Variants in LCNL1 observed in about 807,000 individuals in gnomAD.
The protein encoded by LCNL1 is lipocalin like 1, also known as lipocalin-like 1 protein.
Under a neutral mutation model 7.9 loss-of-function variants are expected in LCNL1, and 11 were observed. That is an observed-to-expected ratio of 1.40 (90% confidence interval 0.88 to 2.32). The LOEUF is 2.32. Ranked by LOEUF, LCNL1 falls within the 30% of genes most tolerant of loss-of-function variation. LCNL1 has a pLI of 0.00. For missense variants in LCNL1, 218 were observed against 217.0 expected, an observed-to-expected ratio of 1.00 and a Z score of -0.03; for synonymous variants, 90 against 92.5, an observed-to-expected ratio of 0.97 and a Z score of 0.15.
intron 1 of LCNL1, 82 bp downstream of exon 1, chr9:136,983,790 G>A (rs767265340): frequency 6.3e-6 from 10 of 1,578,048 alleles, no homozygotes; most frequent in Non-Finnish European, 8.7e-6. Context: ...AGGGACCATG[G>A]TGTCCCCAGC....
chr9:136,984,635 TG>T (rs1830478070), intron 2 of LCNL1, 72 bp downstream of exon 2: 2 of 1,504,306 alleles, frequency 1.3e-6, no homozygotes, highest in South Asian at 1.3e-5. Flanking sequence ...GATTGGCACC[TG>T]GGGCCGGGGC....
At position 136,984,786 on chromosome 9, in the gene LCNL1, GA is replaced by G; in HGVS notation, c.273del (p.Gly93AlafsTer116). Reference sequence around the variant, plus strand: ...TTGCCTTGCTGTACTTGGAGATGCGGAAAGGGGGCCTGCGGAACCAGTGGCT... The same window carrying G: ...TTGCCTTGCTGTACTTGGAGATGCGGAAGGGGGCCTGCGGAACCAGTGGCT... ...HFALLYLEMR[K>X]GGLRNQWLQL... is the part of the protein sequence containing the mutation. On this transcript the variant is annotated frameshift_variant, in exon 3 of 3. Coordinates refer to ENST00000408973, the MANE Select transcript of LCNL1 (RefSeq NM_207510.4). LOFTEE classifies it low-confidence loss of function (END_TRUNC). 1.3e-6 allele frequency: 2 copies of G among 1,576,196 alleles called. No individual in the cohort carries two copies. Among genetic ancestry groups the G allele is most frequent in the Non-Finnish European group, 1.7e-6 (2 of 1,158,092 alleles).
intron 2 of LCNL1, 66 bp from the exon 3 acceptor site, chr9:136,984,647 G>A (rs1032245727): frequency 1.5e-5 from 22 of 1,510,260 alleles, no homozygotes; most frequent in East Asian, 1.4e-4. Context: ...GGGCCGGGGC[G>A]TGAGGGGTGC....
Position 136,983,294 on chromosome 9 carries a change from TC to T in LCNL1, c.-288del. 5.4e-6 allele frequency: 2 copies of T among 372,774 alleles called. No individual in the cohort carries two copies. The highest frequency in any genetic ancestry group is 1.0e-5 in the Non-Finnish European group (2 of 194,364). 23.1% of individuals were successfully genotyped at this position (372,774 alleles called of 1,614,324 possible). On this transcript the variant is annotated 5_prime_UTR_variant, in exon 1 of 3. Coordinates refer to ENST00000408973, the MANE Select transcript of LCNL1 (RefSeq NM_207510.4). ...CAAGTTGGTTGCCTGTGCCTCACTG[TC>T]CCCCACCCACCCCACAAAGACCTGT...
rs2131400158 is a variant in LCNL1, at chr9:136,983,678, G to A, written c.92G>A (p.Gly31Asp). Residue 31 changes from glycine to aspartate, a missense_variant, in exon 1 of 3, where the codon GGT becomes GAT. Transcript: ENST00000408973. ...AVVLVTPLGN[G>D]DLALKFGYPT... ...GTCTTAGTGACCCCCTTGGGGAATGGTGACCTGGCCCTCAAGTTTGGATAC... is the reference window on the plus strand; with the variant it reads ...GTCTTAGTGACCCCCTTGGGGAATGATGACCTGGCCCTCAAGTTTGGATAC... 1.2e-6 allele frequency: 2 copies of A among 1,613,990 alleles called. No individual in the cohort carries two copies. The highest frequency in any genetic ancestry group is 2.2e-5 in the East Asian group (1 of 44,892).
intron 2 of LCNL1, 63 bp from the exon 3 acceptor site, chr9:136,984,650 A>G: frequency 6.6e-7 from 1 of 1,511,032 alleles, no homozygotes; most frequent in Non-Finnish European, 8.9e-7. Context: ...CCGGGGCGTG[A>G]GGGGTGCCAC....
At chr9:136,984,326 C>T (rs575329768) in intron 1 of LCNL1, 164 bp from the exon 2 acceptor site, 4 of 609,264 alleles carry the variant, frequency 6.6e-6, no homozygotes, top group Admixed American at 3.7e-5. Context: ...CACCCCACCC[C>T]CAGCAGGAGT....
chr9:136,984,055 CCT>C (rs1212002512), intron 1 of LCNL1: 1 of 407,546 alleles, frequency 2.5e-6, no homozygotes, highest in Non-Finnish European at 4.5e-6. Context: ...TAGATGTGTA[CCT>C]CTGAGTGTGT....
At chr9:136,983,869 G>A in intron 1 of LCNL1, 161 bp downstream of exon 1, 2 of 904,402 alleles carry the variant, frequency 2.2e-6, no homozygotes, top group Admixed American at 2.4e-5. Flanking sequence ...GCCACACGGA[G>A]TCCAGAGGGA....
Position 136,985,037 on chromosome 9 carries a change from T to C in LCNL1, c.*26T>C. 7.0e-7 allele frequency: 1 copy of C among 1,437,778 alleles called. No individual in the cohort carries two copies. The allele number at this position is 1,437,778 out of a possible 1,614,324, so 89.1% of individuals were successfully genotyped here. On this transcript the variant is annotated 3_prime_UTR_variant, in exon 3 of 3. Transcript: ENST00000408973. ...CTTACCCGCCCTCCCCACCTTCAGC[T>C]CGAGCGCCCGAGCTGTTTCCCGAAG...
Position 136,983,426 on chromosome 9 carries a change from CT to C in LCNL1, c.-160del. ...CAGTTGCTCATGTACTGAGGCCCCCCTCCCTCAGTTCTGCATCGGGGTCGAG... is the reference window on the plus strand; with the variant it reads ...CAGTTGCTCATGTACTGAGGCCCCCCCCCTCAGTTCTGCATCGGGGTCGAG... On this transcript the variant is annotated 5_prime_UTR_variant, in exon 1 of 3. Transcript: ENST00000408973. 1 of 819,018 alleles carries C rather than the reference CT, an allele frequency of 1.2e-6. No homozygotes were observed. Among genetic ancestry groups the C allele is most frequent in the Non-Finnish European group, 2.0e-6 (1 of 505,672 alleles). The allele number at this position is 819,018 out of a possible 1,614,324, so 50.7% of individuals were successfully genotyped here.
intron 1 of LCNL1, chr9:136,984,193 CTG>C (rs995753490): frequency 3.0e-5 from 14 of 465,020 alleles, no homozygotes; most frequent in African/African-American, 2.8e-4. Context: ...GTGTCTGTGT[CTG>C]TGTCTATCTC....
At position 136,985,144 on chromosome 9, in the gene LCNL1, G is replaced by A. The variant is rs1358528789; in HGVS notation, c.*133G>A. 6.7e-5 allele frequency: 62 copies of A among 930,702 alleles called. No individual in the cohort carries two copies. Among genetic ancestry groups the A allele is most frequent in the Non-Finnish European group, 9.5e-5 (60 of 634,150 alleles). 57.7% of individuals were successfully genotyped at this position (930,702 alleles called of 1,614,324 possible). On this transcript the variant is annotated 3_prime_UTR_variant, in exon 3 of 3. Coordinates refer to ENST00000408973, the MANE Select transcript of LCNL1 (RefSeq NM_207510.4). The stretch of plus-strand genomic sequence containing the variant: ...GTCCTGCTGCCGAAGTCGGGTGAGC[G>A]GTGCCGGCAGCCCTGCTGGGAGGGC...
In LCNL1 at chr9:136,985,463, C is replaced by T. The variant is rs1830490714; in HGVS notation, c.*452C>T. Reference sequence around the variant, plus strand: ...CCATGCGGAGCCGCGGACCATGGGCCCTCCCAGCTCGGTGGGCTGCACCGC... The same window carrying T: ...CCATGCGGAGCCGCGGACCATGGGCTCTCCCAGCTCGGTGGGCTGCACCGC... On this transcript the variant is annotated 3_prime_UTR_variant, in exon 3 of 3. Coordinates refer to ENST00000408973, the MANE Select transcript of LCNL1 (RefSeq NM_207510.4). The T allele has an allele frequency of 6.2e-6, 1 of 160,264 alleles. No individual in the cohort carries two copies. Among genetic ancestry groups the T allele is most frequent in the South Asian group, 2.0e-4 (1 of 4,926 alleles). 9.9% of individuals were successfully genotyped at this position (160,264 alleles called of 1,614,324 possible). A position where few individuals can be genotyped will look rare whatever the true frequency, so the allele number is the denominator to read the frequency against.
chr9:136,983,840 G>A (rs370957579), intron 1 of LCNL1, 132 bp downstream of exon 1: 35 of 1,286,500 alleles, frequency 2.7e-5, no homozygotes, highest in South Asian at 6.8e-5. Context: ...GGCTCTGTGC[G>A]GCAGAGCCCC....
chr9:136,984,690 G>T, intron 2 of LCNL1, 23 bp from the exon 3 acceptor site: 1 of 1,517,388 alleles, frequency 6.6e-7, no homozygotes, highest in Non-Finnish European at 8.8e-7. Context: ...TGGGCCTGGG[G>T]TCAGCGGCTC....
Position 136,984,820 on chromosome 9 carries a change from T to C in LCNL1, c.304T>C (p.Tyr102His). ...CCTGCGGAACCAGTGGCTGCAGCTCTACGGTGGGCGGGCTGCGGGGCGGAG... is the reference window on the plus strand; with the variant it reads ...CCTGCGGAACCAGTGGCTGCAGCTCCACGGTGGGCGGGCTGCGGGGCGGAG... The part of the protein sequence containing the change: ...GGLRNQWLQL[Y>H]GGRAAGRRPR... The change falls in exon 3 of 3, where the codon TAC becomes CAC. Residue 102 changes from tyrosine (Y) to histidine (H), a missense_variant. Physicochemically the swap from Tyr to His is moderately conservative, Grantham distance 83. Coordinates refer to ENST00000408973, the MANE Select transcript of LCNL1 (RefSeq NM_207510.4). The C allele has an allele frequency of 6.3e-7, 1 of 1,579,702 alleles. No individual in the cohort carries two copies.
rs530882038 is a variant in LCNL1 at position 136,984,054 on chromosome 9, A to G, written c.122+346A>G. ...TGCATGTGTGTCTTTGTAGATGTGT[A>G]CCTCTGAGTGTGTATGTGTGTATCA... On this transcript the variant is annotated intron_variant, in intron 1 of 2. Coordinates refer to ENST00000408973, the MANE Select transcript of LCNL1 (RefSeq NM_207510.4). 590 of 399,254 alleles carry G rather than the reference A, an allele frequency of 1.5e-3. 2 individuals carry two copies. Among genetic ancestry groups the G allele is most frequent in the Non-Finnish European group, 2.5e-3 (534 of 216,518 alleles). The allele number at this position is 399,254 out of a possible 1,614,324, so 24.7% of individuals were successfully genotyped here. A position where few individuals can be genotyped will look rare whatever the true frequency, so the allele number is the denominator to read the frequency against.
chr9:136,984,999 C>T lies in LCNL1; in HGVS notation c.483C>T (p.Ala161=), dbSNP rs1019419832. 1.3e-6 allele frequency: 2 copies of T among 1,527,978 alleles called. No homozygotes were observed. Among genetic ancestry groups the T allele is most frequent in the African/African-American group, 1.4e-5 (1 of 72,230 alleles). 94.7% of individuals were successfully genotyped at this position (1,527,978 alleles called of 1,614,324 possible). ...CTCTCCCTCTCTTCGCCCCTCCAGC[C>T]CCTTCCCTTTAGCTTACCCGCCCTC... The part of the protein sequence containing the change: ...CPSLPLFAPP[A]PSL Residue 161 remains alanine (A), a synonymous_variant, in exon 3 of 3, where the codon GCC becomes GCT. Transcript: ENST00000408973.
Sources: allele counts gnomAD v4.1 joint callset, GRCh38; gene constraint gnomAD v4.1.1; transcripts MANE v1.5; gene names NCBI Gene and HGNC (gene_info 2026-07-23, HGNC 2026-07-21).